SIRPB1: variants seen among roughly 807,000 people sequenced by gnomAD.
SIRPB1 encodes signal-regulatory protein beta-1.
SIRPB1 carries 28 observed loss-of-function variants against 34.1 expected under a neutral mutation model. The ratio of observed to expected loss-of-function variants is 0.82; its 90% CI spans 0.61 to 1.12. SIRPB1 has a LOEUF of 1.12. Among genes scored for constraint, SIRPB1 ranks in the 50% most tolerant of loss-of-function variants. SIRPB1 has a pLI of 0.00. For synonymous variants in SIRPB1, 211 were observed against 203.8 expected (o/e 1.04, Z -0.30); for missense variants, 499 against 507.0 (o/e 0.98, Z 0.15).
chr20:1,614,868 C>T (rs1390533628), intron 1 of SIRPB1, among the ~76,000 whole-genome samples: 1 of 152,114 alleles, frequency 6.6e-6, no homozygotes, highest in African/African-American at 2.4e-5. Flanking sequence ...GCTTTTCACC[C>T]TGATGACTTT....
chr20:1,588,531 A>G lies in SIRPB1; in HGVS notation c.77-9837T>C, dbSNP rs1317217281. ...AGGATATAGCCCTGCCAGCGGAGAG[A>G]AAGGGTTCTAGCCCAAGGCAATGCT... On this transcript the variant is annotated intron_variant, in intron 1 of 5. Coordinates refer to ENST00000381605, the MANE Select transcript of SIRPB1 (RefSeq NM_006065.5). 10 of 576,174 alleles carry G rather than the reference A, an allele frequency of 1.7e-5. 5 individuals carry two copies. In the South Asian group the frequency reaches 2.1e-4, roughly 12 times the overall value. 35.7% of individuals were successfully genotyped at this position (576,174 alleles called of 1,614,324 possible). A position where few individuals can be genotyped will look rare whatever the true frequency, so the allele number is the denominator to read the frequency against.
Position 1,587,152 on chromosome 20 carries a change from C to T in SIRPB1, c.77-8458G>A, listed in dbSNP as rs1226945333. Among the ~76,000 whole-genome samples, 2 of 48,850 alleles carry T rather than the reference C, an allele frequency of 4.1e-5. 1 individual carries two copies. Among genetic ancestry groups the T allele is most frequent in the African/African-American group, 2.7e-4 (2 of 7,408 alleles). The allele number at this position is 48,850 out of a possible 152,430, so 32.0% of individuals were successfully genotyped here. A position where few individuals can be genotyped will look rare whatever the true frequency, so the allele number is the denominator to read the frequency against. On this transcript the variant is annotated intron_variant, in intron 1 of 5. Coordinates refer to ENST00000381605, the MANE Select transcript of SIRPB1 (RefSeq NM_006065.5). The stretch of plus-strand genomic sequence containing the variant: ...ATAGACAAGTTCCTCTCTCAGCCTG[C>T]CTCCCCATTTGCAAATAGGGAATAT...
In SIRPB1 at chr20:1,571,082, G is replaced by A. The variant is rs746345621; in HGVS notation, c.807C>T (p.Asn269=). Residue 269 remains asparagine (N), a synonymous_variant, in exon 4 of 6, where the codon AAC becomes AAT. Transcript: ENST00000381605. ...QQPMRAENQA[N]VTCQVSNFYP... is the part of the protein sequence containing the mutation. ...AGAAATTGCTCACCTGGCAGGTGAC[G>A]TTTGCCTGGTTCTCTGCCCTCATGG... 55 of 1,613,958 alleles carry A rather than the reference G, an allele frequency of 3.4e-5. No individual in the cohort carries two copies. Among genetic ancestry groups the A allele is most frequent in the African/African-American group, 1.3e-4 (10 of 74,936 alleles).
At chr20:1,570,435 T>G in intron 4 of SIRPB1, 1 of 180,278 alleles carries the variant, frequency 5.5e-6, no homozygotes, top group Non-Finnish European at 1.2e-5. Flanking sequence ...GGTTAGAAAG[T>G]GTAAAAGGCA....
At chr20:1,567,786 G>T (rs1025710135) in intron 4 of SIRPB1, among the ~76,000 whole-genome samples, 1 of 152,220 alleles carries the variant, frequency 6.6e-6, no homozygotes, top group Admixed American at 6.5e-5. Flanking sequence ...TAAGGTGTTA[G>T]CTGTTGCTGG....
At chr20:1,572,178 A>C in intron 2 of SIRPB1, 141 bp from the exon 3 acceptor site, 18 of 1,375,692 alleles carry the variant, frequency 1.3e-5, no homozygotes, top group Non-Finnish European at 1.7e-5. Context: ...CCTTATTCTC[A>C]TTTTACAGAT....
intron 4 of SIRPB1, among the ~76,000 whole-genome samples, chr20:1,566,566 C>T (rs114854215): frequency 2.2e-3 from 338 of 152,332 alleles, no homozygotes; most frequent in African/African-American, 7.9e-3. Context: ...GATCCTCACA[C>T]GCCCATGGGG....
rs1224443761 is a variant in SIRPB1, at chr20:1,592,997, A to T, written c.77-14303T>A. Among the ~76,000 whole-genome samples the T allele has an allele frequency of 4.0e-5, 2 of 49,542 alleles. 1 individual carries two copies. The highest frequency in any genetic ancestry group is 1.4e-3 in the South Asian group (2 of 1,420). The allele number at this position is 49,542 out of a possible 152,430, so 32.5% of individuals were successfully genotyped here. On this transcript the variant is annotated intron_variant, in intron 1 of 5. Coordinates refer to ENST00000381605, the MANE Select transcript of SIRPB1 (RefSeq NM_006065.5). ...TTTCTGTAGATTATTTTCAGAAGCA[A>T]GTTTTGTTTCCACAGTATGAGTGAG... is the stretch of plus-strand genomic sequence containing the variant.
intron 1 of SIRPB1, among the ~76,000 whole-genome samples, chr20:1,617,357 C>A (rs2091644795): frequency 6.6e-6 from 1 of 152,072 alleles, no homozygotes; most frequent in Non-Finnish European, 1.5e-5. Flanking sequence ...ATCAGCCTGA[C>A]CAAAGAAGGA....
At position 1,572,010 on chromosome 20, in the gene SIRPB1, C is replaced by T. The variant is rs139432093; in HGVS notation, c.461G>A (p.Gly154Asp). 7 of 1,613,870 alleles carry T rather than the reference C, an allele frequency of 4.3e-6. No homozygotes were observed. In the East Asian group the frequency reaches 1.6e-4, roughly 36 times the overall value. The change falls in exon 3 of 6, where the codon GGC becomes GAC. Residue 154 changes from glycine (G) to aspartate (D), a missense_variant. Transcript: ENST00000381605. ...CTCAGGTGTGGCCCTCACCGCAGGG[C>T]CCGATACCACGGGGGCAGAGGGTTT... ...RAKPSAPVVS[G>D]PAVRATPEHT...
At chr20:1,572,066 A>T (rs2091249917) in intron 2 of SIRPB1, 29 bp from the exon 3 acceptor site, 1 of 1,613,500 alleles carries the variant, frequency 6.2e-7, no homozygotes, top group Admixed American at 1.7e-5. Flanking sequence ...TAATCAGGAG[A>T]CATGACTCAG....
In SIRPB1 at chr20:1,612,023, C is replaced by T. The variant is rs2091574844; in HGVS notation, c.76+7846G>A. 2.8e-5 allele frequency among the ~76,000 whole-genome samples: 2 copies of T among 70,216 alleles called. 1 individual carries two copies. The highest frequency in any genetic ancestry group is 2.3e-4 in the Admixed American group (2 of 8,532). The allele number at this position is 70,216 out of a possible 152,430, so 46.1% of individuals were successfully genotyped here. Reference sequence around the variant, plus strand: ...TTCTTTTTTTTAAGACAGGGTCTTGCTCTGTCTGCTGCCCAGGCCGGAGTG... The same window carrying T: ...TTCTTTTTTTTAAGACAGGGTCTTGTTCTGTCTGCTGCCCAGGCCGGAGTG... On this transcript the variant is annotated intron_variant, in intron 1 of 5. Transcript: ENST00000381605.
rs1250599760 is a variant in SIRPB1 at position 1,572,038 on chromosome 20, C to A, written c.434-1G>T. 3 of 1,613,838 alleles carry A rather than the reference C, an allele frequency of 1.9e-6. No homozygotes were observed. Among genetic ancestry groups the A allele is most frequent in the Non-Finnish European group, 2.5e-6 (3 of 1,179,950 alleles). On this transcript the variant is annotated splice_acceptor_variant, in intron 2 of 5. Coordinates refer to ENST00000381605, the MANE Select transcript of SIRPB1 (RefSeq NM_006065.5). LOFTEE classifies it high-confidence loss of function. ...GATACCACGGGGGCAGAGGGTTTGG[C>A]TACAAAAGGACCATCGATAATCAGG...
intron 5 of SIRPB1, among the ~76,000 whole-genome samples, chr20:1,565,919 C>T (rs938913992): frequency 1.1e-4 from 16 of 152,022 alleles, no homozygotes; most frequent in African/African-American, 3.9e-4. Context: ...CTTTGAACCC[C>T]CTTGAAGCAT....
Position 1,564,213 on chromosome 20 carries a change from C to A in SIRPB1, c.*1287G>T, listed in dbSNP as rs919320193. The A allele has an allele frequency of 6.6e-6, 1 of 152,154 alleles. No individual in the cohort carries two copies. Among genetic ancestry groups the A allele is most frequent in the Admixed American group, 6.5e-5 (1 of 15,276 alleles). 9.4% of individuals were successfully genotyped at this position (152,154 alleles called of 1,614,324 possible). On this transcript the variant is annotated 3_prime_UTR_variant, in exon 6 of 6. Transcript: ENST00000381605. ...TCTGATTGACTATGGAGACTGCTTTCCTGGGTTTCAGGTTGCACAGTCATT... is the reference window on the plus strand; with the variant it reads ...TCTGATTGACTATGGAGACTGCTTTACTGGGTTTCAGGTTGCACAGTCATT...
intron 4 of SIRPB1, among the ~76,000 whole-genome samples, chr20:1,567,632 G>A (rs1231587713): frequency 6.6e-6 from 1 of 152,248 alleles, no homozygotes; most frequent in African/African-American, 2.4e-5. Context: ...GGTGGTGAAT[G>A]GGACTGGAGA....
At chr20:1,577,364 C>T (rs1189516685) in intron 2 of SIRPB1, among the ~76,000 whole-genome samples, 1 of 147,732 alleles carries the variant, frequency 6.8e-6, no homozygotes, top group African/African-American at 2.5e-5. Context: ...ATGGACAAGG[C>T]CCCTGTCATG....
In SIRPB1 at chr20:1,585,119, G is replaced by T. The variant is rs1177171672; in HGVS notation, c.77-6425C>A. Among the ~76,000 whole-genome samples the T allele has an allele frequency of 4.1e-5, 2 of 49,096 alleles. 1 individual carries two copies. Among genetic ancestry groups the T allele is most frequent in the African/African-American group, 2.7e-4 (2 of 7,510 alleles). 32.2% of individuals were successfully genotyped at this position (49,096 alleles called of 152,430 possible). ...AAAAATCAACTCCAAATGTATTAAA[G>T]ACTTAAATGTAAGATCTGAAACTGT... is the stretch of plus-strand genomic sequence containing the variant. On this transcript the variant is annotated intron_variant, in intron 1 of 5. Transcript: ENST00000381605.
chr20:1,571,442 G>C (rs1280043308), intron 3 of SIRPB1, among the ~76,000 whole-genome samples: 2 of 152,210 alleles, frequency 1.3e-5, no homozygotes, highest in East Asian at 3.8e-4. Flanking sequence ...TGAAATCGCC[G>C]AGCACATAGT....
Sources: allele counts gnomAD v4.1 joint callset (sites outside exome capture counted in the v4.1 genomes callset), GRCh38; gene constraint gnomAD v4.1.1; transcripts MANE v1.5; gene names NCBI Gene and HGNC (gene_info 2026-07-23, HGNC 2026-07-21).